The following RFX3 variants were observed in gnomAD, a reference collection of about 807,000 sequenced individuals.
RFX3 encodes regulatory factor X3.
In RFX3, 14 loss-of-function variants were observed where a neutral mutation model predicts 98.6. The observed-to-expected ratio is 0.14, with a 90% CI of 0.09 to 0.22. The LOEUF (loss-of-function observed/expected upper bound fraction) is 0.22. Among genes scored for constraint, RFX3 ranks in the 10% least tolerant of loss-of-function variants. RFX3 has a pLI of 1.00. For missense variants in RFX3, 639 were observed against 926.9 expected (o/e 0.69, Z 4.03); for synonymous variants, 383 against 328.4 (o/e 1.17, Z -1.80).
intron 4 of RFX3, among the ~76,000 whole-genome samples, chr9:3,327,139 CAGTAAA>C (rs1832014466): frequency 6.6e-6 from 1 of 151,714 alleles, no homozygotes; most frequent in Non-Finnish European, 1.5e-5. Flanking sequence ...TCTGATTCTA[CAGTAAA>C]AGAAAAATAT....
At chr9:3,339,752 A>T (rs1356669147) in intron 3 of RFX3, among the ~76,000 whole-genome samples, 1 of 152,178 alleles carries the variant, frequency 6.6e-6, no homozygotes, top group Non-Finnish European at 1.5e-5. Context: ...GAAATAAAAG[A>T]GGATACAAAC....
intron 2 of RFX3, among the ~76,000 whole-genome samples, chr9:3,369,907 G>A (rs1353375579): frequency 1.3e-5 from 2 of 151,886 alleles, no homozygotes; most frequent in East Asian, 1.9e-4. Context: ...TCCGCTCACT[G>A]CAAGCTCCGC....
intron 1 of RFX3, among the ~76,000 whole-genome samples, chr9:3,505,926 A>G (rs946947864): frequency 1.3e-5 from 2 of 151,886 alleles, no homozygotes; most frequent in African/African-American, 4.8e-5. Context: ...AAGAATGATC[A>G]GTTTTATTCA....
At chr9:3,483,898 C>T (rs1156867418) in intron 1 of RFX3, among the ~76,000 whole-genome samples, 2 of 152,070 alleles carry the variant, frequency 1.3e-5, no homozygotes, top group Non-Finnish European at 2.9e-5. Context: ...TTCTCATCTA[C>T]AAAAATGGAG....
intron 2 of RFX3, among the ~76,000 whole-genome samples, chr9:3,390,261 G>C (rs145604032): frequency 6.6e-6 from 1 of 152,168 alleles, no homozygotes; most frequent in Non-Finnish European, 1.5e-5. Context: ...CAGTAAAGTG[G>C]GGCACTGTTG....
chr9:3,335,387 A>G (rs1177111970), intron 3 of RFX3, among the ~76,000 whole-genome samples: 1 of 152,178 alleles, frequency 6.6e-6, no homozygotes, highest in African/African-American at 2.4e-5. Context: ...TCTAATTCTG[A>G]TATCTCAGAT....
At chr9:3,404,028 G>A (rs933350526) in intron 1 of RFX3, among the ~76,000 whole-genome samples, 4 of 151,708 alleles carry the variant, frequency 2.6e-5, no homozygotes, top group African/African-American at 9.7e-5. Flanking sequence ...TCTAATGACA[G>A]ACTCAAAGAG....
At chr9:3,338,124 A>T (rs545566447) in intron 3 of RFX3, among the ~76,000 whole-genome samples, 1 of 152,344 alleles carries the variant, frequency 6.6e-6, no homozygotes, top group South Asian at 2.1e-4. Context: ...TCAGAAAGGA[A>T]TTCAAGTGAC....
chr9:3,518,759 A>G (rs1818426586), intron 1 of RFX3, among the ~76,000 whole-genome samples: 1 of 152,176 alleles, frequency 6.6e-6, no homozygotes, highest in Non-Finnish European at 1.5e-5. Context: ...CAGGTGATAT[A>G]TTTCCTCTAT....
intron 1 of RFX3, chr9:3,400,201 A>G (rs1841333759): frequency 2.0e-6 from 2 of 979,862 alleles, no homozygotes; most frequent in African/African-American, 3.5e-5. Context: ...GACGCTGCAC[A>G]AAGACAAGTA....
chr9:3,456,754 A>G (rs1414837192), intron 1 of RFX3, among the ~76,000 whole-genome samples: 1 of 152,174 alleles, frequency 6.6e-6, no homozygotes, highest in African/African-American at 2.4e-5. Flanking sequence ...ATGGGGAAAA[A>G]AAAGTCACAT....
At chr9:3,335,749 T>C (rs1833106273) in intron 3 of RFX3, among the ~76,000 whole-genome samples, 1 of 152,206 alleles carries the variant, frequency 6.6e-6, no homozygotes, top group Admixed American at 6.5e-5. Flanking sequence ...TCGATATGTG[T>C]ATACTTGCCG....
intron 1 of RFX3, among the ~76,000 whole-genome samples, chr9:3,413,925 A>G (rs1564068167): frequency 6.6e-6 from 1 of 152,098 alleles, no homozygotes; most frequent in Admixed American, 6.5e-5. Context: ...TTTGGTACTT[A>G]GAAATTCTCC....
At chr9:3,460,308 T>C (rs935872893) in intron 1 of RFX3, among the ~76,000 whole-genome samples, 1 of 152,050 alleles carries the variant, frequency 6.6e-6, no homozygotes, top group Non-Finnish European at 1.5e-5. Context: ...ATGCTCAATT[T>C]TCTTATGAGA....
intron 4 of RFX3, among the ~76,000 whole-genome samples, chr9:3,317,348 C>T (rs1400893135): frequency 2.0e-5 from 3 of 152,152 alleles, no homozygotes; most frequent in Admixed American, 1.3e-4. Context: ...CTCTTCCTTA[C>T]ACCTTATGCA....
intron 4 of RFX3, among the ~76,000 whole-genome samples, chr9:3,315,936 T>C (rs768980539): frequency 1.4e-4 from 22 of 152,330 alleles, no homozygotes; most frequent in Non-Finnish European, 2.5e-4. Context: ...AGCCGAATTC[T>C]ACTAGAGGTA....
At chr9:3,278,941 C>G (rs1040050792) in intron 7 of RFX3, among the ~76,000 whole-genome samples, 1 of 151,850 alleles carries the variant, frequency 6.6e-6, no homozygotes, top group Non-Finnish European at 1.5e-5. Context: ...GAGAAAAGAA[C>G]TCAGATCTAA....
chr9:3,501,093 T>C (rs1815951350), intron 1 of RFX3, among the ~76,000 whole-genome samples: 1 of 152,220 alleles, frequency 6.6e-6, no homozygotes, highest in African/African-American at 2.4e-5. Context: ...TAAAAGAAAC[T>C]ATATACTATG....
intron 1 of RFX3, among the ~76,000 whole-genome samples, chr9:3,484,890 C>G (rs1048503659): frequency 1.3e-5 from 2 of 151,766 alleles, no homozygotes; most frequent in Non-Finnish European, 2.9e-5. Context: ...TCAAGACCAG[C>G]CTGAGCAACA....
Sources: allele counts gnomAD v4.1 joint callset (sites outside exome capture counted in the v4.1 genomes callset), GRCh38; gene constraint gnomAD v4.1.1; transcripts MANE v1.5; gene names NCBI Gene and HGNC (gene_info 2026-07-23, HGNC 2026-07-21).